The following WDFY3 variants were observed in gnomAD, a reference collection of about 807,000 sequenced individuals.
The protein encoded by WDFY3 is WD repeat and FYVE domain containing 3, also known as WD repeat and FYVE domain-containing protein 3.
In WDFY3, 66 loss-of-function variants were observed where a neutral mutation model predicts 409.6. The observed-to-expected ratio is 0.16, with a 90% CI of 0.13 to 0.20. WDFY3 has a LOEUF of 0.20. Among genes scored for constraint, WDFY3 ranks in the 10% least tolerant of loss-of-function variants. WDFY3 has a pLI of 1.00. For synonymous variants in WDFY3, 1,521 were observed against 1,537.1 expected (o/e 0.99, Z 0.25); for missense variants, 3,031 against 4,298.1 (o/e 0.71, Z 8.24).
intron 60 of WDFY3, among the ~76,000 whole-genome samples, 185 bp downstream of exon 60, chr4:84,691,446 C>T (rs915899185): frequency 2.6e-5 from 4 of 152,160 alleles, no homozygotes; most frequent in African/African-American, 9.7e-5. Context: ...CTATGAGCTC[C>T]TTTATCCTGC....
chr4:84,701,972 A>G (rs1476598580), intron 56 of WDFY3, among the ~76,000 whole-genome samples: 1 of 152,208 alleles, frequency 6.6e-6, no homozygotes, highest in Non-Finnish European at 1.5e-5. Flanking sequence ...TGTTTTCATC[A>G]AAACAACGAA....
intron 3 of WDFY3, among the ~76,000 whole-genome samples, chr4:84,894,284 A>G (rs193297617): frequency 6.6e-6 from 1 of 152,338 alleles, no homozygotes; most frequent in Admixed American, 6.5e-5. Context: ...TCTACTTTAA[A>G]TAACGGTCAA....
Position 84,677,389 on chromosome 4 carries a change from T to A in WDFY3, c.10267A>T (p.Ser3423Cys), listed in dbSNP as rs1200057819. 1.9e-6 allele frequency: 3 copies of A among 1,610,822 alleles called. No individual in the cohort carries two copies. Among genetic ancestry groups the A allele is most frequent in the Non-Finnish European group, 2.5e-6 (3 of 1,178,306 alleles). The change falls in exon 67 of 68, where the codon AGT (serine) becomes TGT (cysteine). Residue 3423 changes from serine to cysteine, a missense_variant. By Grantham distance (112) the Ser-to-Cys change is moderately radical. Around this residue, in one of 16 missense-constraint regions of WDFY3, gnomAD observed 378 missense variants for 477.3 expected, o/e 0.79. Coordinates refer to ENST00000295888, the MANE Select transcript of WDFY3 (RefSeq NM_014991.6). The part of the protein sequence containing the change: ...VTALGISKDH[S>C]RILVGDSRGR... Reference sequence around the variant, plus strand: ...CGACTGTCACCAACGAGGATCCTACTGTGATCCCTGCAGGAGACACGACAG... The same window carrying A: ...CGACTGTCACCAACGAGGATCCTACAGTGATCCCTGCAGGAGACACGACAG...
At chr4:84,754,851 ATTTT>A (rs1741161297) in intron 34 of WDFY3, among the ~76,000 whole-genome samples, 1 of 152,166 alleles carries the variant, frequency 6.6e-6, no homozygotes, top group Non-Finnish European at 1.5e-5. Flanking sequence ...ATTATTATAT[ATTTT>A]ATTACATTAA....
At chr4:84,899,991 T>C (rs1299747960) in intron 2 of WDFY3, among the ~76,000 whole-genome samples, 1 of 152,118 alleles carries the variant, frequency 6.6e-6, no homozygotes, top group East Asian at 1.9e-4. Context: ...AGAGGCTACA[T>C]GCAATGTGAC....
At chr4:84,689,461 A>G (rs1228085883) in intron 61 of WDFY3, among the ~76,000 whole-genome samples, 1 of 152,196 alleles carries the variant, frequency 6.6e-6, no homozygotes, top group Non-Finnish European at 1.5e-5. Flanking sequence ...TGTACTATTA[A>G]CCTTGTAATC....
rs1255769838 is a variant in WDFY3, at chr4:84,935,933, GACC to G, written c.-225-3573_-225-3571del. Among the ~76,000 whole-genome samples, 5 of 152,180 alleles carry G rather than the reference GACC, an allele frequency of 3.3e-5. No individual in the cohort carries two copies. The East Asian group carries it at 5.8e-4, about 18-fold the overall frequency. On this transcript the variant is annotated intron_variant, in intron 1 of 67. Transcript: ENST00000295888. Reference sequence around the variant, plus strand: ...CAAGTTTTACACAGGTCACAATTAAGACCACAATTTAAAGTTCCCATTTTGACC... The same window carrying G: ...CAAGTTTTACACAGGTCACAATTAAGACAATTTAAAGTTCCCATTTTGACC...
At chr4:84,778,740 AACACAC>A (rs911518455) in intron 26 of WDFY3, 85 bp from the exon 27 acceptor site, 1 of 1,357,676 alleles carries the variant, frequency 7.4e-7, no homozygotes, top group African/African-American at 1.5e-5. Flanking sequence ...TACACACACA[AACACAC>A]ACATACACAC....
intron 35 of WDFY3, among the ~76,000 whole-genome samples, 158 bp from the exon 36 acceptor site, chr4:84,751,874 G>A (rs578184601): frequency 6.6e-6 from 1 of 152,142 alleles, no homozygotes; most frequent in Non-Finnish European, 1.5e-5. Context: ...TCCTTTCAAG[G>A]TAGTAATCTG....
rs375534189 is a variant in WDFY3, at chr4:84,735,166, G to GA, written c.6916-47dup. The GA allele has an allele frequency of 1.1e-4, 170 of 1,519,980 alleles. No individual in the cohort carries two copies. The Middle Eastern group carries it at 1.1e-3, about 10-fold the overall frequency. 94.2% of individuals were successfully genotyped at this position (1,519,980 alleles called of 1,614,324 possible). On this transcript the variant is annotated intron_variant, in intron 42 of 67. Transcript: ENST00000295888. ...AGTCTTAATATTTCATGGATTTCTGGAAAAAAATAGTTAATTACCCTTGAA... is the reference window on the plus strand; with the variant it reads ...AGTCTTAATATTTCATGGATTTCTGGAAAAAAAATAGTTAATTACCCTTGAA...
chr4:84,811,568 C>T (rs1387299594), intron 13 of WDFY3, among the ~76,000 whole-genome samples: 13 of 152,188 alleles, frequency 8.5e-5, no homozygotes, highest in Non-Finnish European at 1.8e-4. Flanking sequence ...TGCACTTAAT[C>T]ATGACATTAT....
chr4:84,706,110 A>G (rs1322863038), intron 53 of WDFY3, among the ~76,000 whole-genome samples: 3 of 152,204 alleles, frequency 2.0e-5, no homozygotes, highest in Admixed American at 1.3e-4. Flanking sequence ...GATCACTTTA[A>G]AAGTTGATGA....
chr4:84,745,388 A>G (rs1739255459), intron 36 of WDFY3, among the ~76,000 whole-genome samples: 1 of 152,216 alleles, frequency 6.6e-6, no homozygotes, highest in South Asian at 2.1e-4. Flanking sequence ...TTGAATAGAG[A>G]GATCCAGGAC....
Position 84,765,928 on chromosome 4 carries a change from A to G in WDFY3, c.5070T>C (p.Ile1690=). The G allele has an allele frequency of 6.2e-7, 1 of 1,614,000 alleles. No homozygotes were observed. Among genetic ancestry groups the G allele is most frequent in the Non-Finnish European group, 8.5e-7 (1 of 1,179,954 alleles). ...ACTGATTACTTAGTAGGACAACAAG[A>G]ATCCTCATGGCTGCTGTAACTGTGG... ...HSTTVTAAMR[I]LVVLLSNQSI... is the part of the protein sequence containing the mutation. Residue 1690 remains isoleucine (I), a synonymous_variant, in exon 32 of 68, where the codon ATT becomes ATC. Coordinates refer to ENST00000295888, the MANE Select transcript of WDFY3 (RefSeq NM_014991.6).
chr4:84,769,555 C>CA (rs1418719419), intron 30 of WDFY3, among the ~76,000 whole-genome samples: 1 of 152,028 alleles, frequency 6.6e-6, no homozygotes, highest in Non-Finnish European at 1.5e-5. Flanking sequence ...GCTGGGACTA[C>CA]AGGTGACTGC....
rs1316485365 is a variant in WDFY3, at chr4:84,670,302, T to C, written c.*2566A>G. 1.3e-5 allele frequency: 2 copies of C among 152,616 alleles called. No individual in the cohort carries two copies. Among genetic ancestry groups the C allele is most frequent in the African/African-American group, 4.8e-5 (2 of 41,426 alleles). The allele number at this position is 152,616 out of a possible 1,614,324, so 9.5% of individuals were successfully genotyped here. On this transcript the variant is annotated 3_prime_UTR_variant, in exon 68 of 68. Coordinates refer to ENST00000295888, the MANE Select transcript of WDFY3 (RefSeq NM_014991.6). The stretch of plus-strand genomic sequence containing the variant: ...AAAAAGAATGCAGACCATACTAAGG[T>C]AGATGTACATGTTGACAATAGATGT...
intron 3 of WDFY3, among the ~76,000 whole-genome samples, chr4:84,889,510 G>A (rs1395259770): frequency 6.6e-6 from 1 of 152,092 alleles, no homozygotes; most frequent in East Asian, 1.9e-4. Flanking sequence ...AAAAAATTCT[G>A]GTTTGATTCA....
chr4:84,714,962 A>G lies in WDFY3; in HGVS notation c.7961+336T>C, dbSNP rs547435927. Among the ~76,000 whole-genome samples, 926 of 151,894 alleles carry G rather than the reference A, an allele frequency of 6.1e-3. 11 individuals are homozygous for G. Among genetic ancestry groups the G allele is most frequent in the African/African-American group, 0.021 (876 of 41,374 alleles). Reference sequence around the variant, plus strand: ...GAGACTCCGTCTCAAAAAAAAAAAAAAAGAAGAAGAAAAAAAGAAACTAAA... The same window carrying G: ...GAGACTCCGTCTCAAAAAAAAAAAAGAAGAAGAAGAAAAAAAGAAACTAAA... On this transcript the variant is annotated intron_variant, in intron 50 of 67. Coordinates refer to ENST00000295888, the MANE Select transcript of WDFY3 (RefSeq NM_014991.6).
chr4:84,942,375 T>C (rs750442446), intron 1 of WDFY3, among the ~76,000 whole-genome samples: 4 of 152,050 alleles, frequency 2.6e-5, no homozygotes, highest in Non-Finnish European at 5.9e-5. Flanking sequence ...GAATAAAAGA[T>C]GTCGACACTT....
Sources: allele counts gnomAD v4.1 joint callset (sites outside exome capture counted in the v4.1 genomes callset), GRCh38; gene constraint gnomAD v4.1.1; regional missense constraint gnomAD v4.1.1; transcripts MANE v1.5; gene names NCBI Gene and HGNC (gene_info 2026-07-23, HGNC 2026-07-21).